Variants in STK24 observed in about 807,000 individuals in gnomAD.
The protein encoded by STK24 is serine/threonine kinase 24.
Under a neutral mutation model 55.6 loss-of-function variants are expected in STK24, and 21 were observed. The ratio of observed to expected loss-of-function variants is 0.38; its 90% CI spans 0.27 to 0.54. The LOEUF is 0.54. Among genes scored for constraint, STK24 ranks in the 20% least tolerant of loss-of-function variants. The pLI, the probability that STK24 is intolerant of heterozygous loss-of-function variation, is 0.79. For missense variants in STK24, 383 were observed against 538.4 expected, an observed-to-expected ratio of 0.71 and a Z score of 2.86; for synonymous variants, 200 against 215.2, an observed-to-expected ratio of 0.93 and a Z score of 0.62.
intron 1 of STK24, chr13:98,542,925 G>A: frequency 2.0e-5 from 20 of 985,390 alleles, no homozygotes; most frequent in Non-Finnish European, 2.4e-5. Context: ...GACAGGAACG[G>A]GTGTATTTGT....
chr13:98,446,009 C>A lies in STK24; in HGVS notation c.*7164G>T. On this transcript the variant is annotated 3_prime_UTR_variant, in exon 11 of 11. Transcript: ENST00000539966. ...TCCTTCAGTCACGGACATGCCCCAGCCCAGGGCCCTGGTGCAGGGAGAGCT... is the reference window on the plus strand; with the variant it reads ...TCCTTCAGTCACGGACATGCCCCAGACCAGGGCCCTGGTGCAGGGAGAGCT... 2 of 873,186 alleles carry A rather than the reference C, an allele frequency of 2.3e-6. No homozygotes were observed. The highest frequency in any genetic ancestry group is 3.8e-6 in the Non-Finnish European group (2 of 533,324). 54.1% of individuals were successfully genotyped at this position (873,186 alleles called of 1,614,324 possible).
chr13:98,516,197 G>A (rs1803590802), intron 2 of STK24, among the ~76,000 whole-genome samples: 1 of 152,186 alleles, frequency 6.6e-6, no homozygotes, highest in African/African-American at 2.4e-5. Context: ...TATTGTTTTA[G>A]AAGAGCAGTT....
chr13:98,475,149 G>A, intron 4 of STK24, 101 bp downstream of exon 4: 1 of 1,395,952 alleles, frequency 7.2e-7, no homozygotes, highest in Admixed American at 2.3e-5. Context: ...AGGCAAACGT[G>A]CAGGACAAAT....
intron 2 of STK24, among the ~76,000 whole-genome samples, chr13:98,514,719 G>C (rs1464933053): frequency 2.0e-5 from 3 of 152,094 alleles, no homozygotes; most frequent in Non-Finnish European, 4.4e-5. Context: ...GATTTGCTTT[G>C]GTTAAACTGG....
At chr13:98,537,830 T>C (rs1353635581) in intron 1 of STK24, among the ~76,000 whole-genome samples, 2 of 152,080 alleles carry the variant, frequency 1.3e-5, no homozygotes, top group Non-Finnish European at 2.9e-5. Context: ...CAAAGTCACT[T>C]AAACGCCCTG....
At chr13:98,521,726 C>T in intron 1 of STK24, 1 of 772,190 alleles carries the variant, frequency 1.3e-6, no homozygotes, top group Middle Eastern at 2.3e-4. Flanking sequence ...GAAACATACC[C>T]CGTTTTCAGC....
chr13:98,485,107 G>A (rs1894755512), intron 2 of STK24, among the ~76,000 whole-genome samples: 1 of 152,190 alleles, frequency 6.6e-6, no homozygotes, highest in Admixed American at 6.5e-5. Context: ...ACCTCATTGG[G>A]TGTGTCACCG....
chr13:98,561,597 G>T (rs1371136674), intron 1 of STK24, among the ~76,000 whole-genome samples: 1 of 151,854 alleles, frequency 6.6e-6, no homozygotes, highest in Non-Finnish European at 1.5e-5. Context: ...AAGAAAGAAA[G>T]AAAGCAGCAA....
intron 9 of STK24, 145 bp downstream of exon 9, chr13:98,460,227 T>TG (rs780220277): frequency 2.9e-5 from 19 of 649,536 alleles, no homozygotes; most frequent in Non-Finnish European, 5.1e-5. Flanking sequence ...TGACAGCCTT[T>TG]GGGAAGGCAC....
intron 1 of STK24, among the ~76,000 whole-genome samples, chr13:98,530,441 A>G (rs1896551807): frequency 6.6e-6 from 1 of 152,116 alleles, no homozygotes; most frequent in Non-Finnish European, 1.5e-5. Context: ...GGGCAGAATG[A>G]CACCATAAGC....
intron 1 of STK24, among the ~76,000 whole-genome samples, chr13:98,567,688 C>T (rs549908681): frequency 1.6e-3 from 244 of 152,246 alleles, no homozygotes; most frequent in Non-Finnish European, 2.6e-3. Flanking sequence ...AGTTCTTGCC[C>T]GCCGCCCTGG....
At chr13:98,480,654 C>A (rs1200444359) in intron 3 of STK24, among the ~76,000 whole-genome samples, 1 of 152,002 alleles carries the variant, frequency 6.6e-6, no homozygotes, top group South Asian at 2.1e-4. Context: ...AAATTGGGTA[C>A]GTTAGCCTTC....
intron 1 of STK24, among the ~76,000 whole-genome samples, chr13:98,554,068 CAAAA>C (rs36119384): frequency 2.0e-5 from 2 of 98,142 alleles, no homozygotes; most frequent in Admixed American, 1.2e-4. Flanking sequence ...GACTCAGTCT[CAAAA>C]AAAAAAAAAA....
intron 2 of STK24, among the ~76,000 whole-genome samples, chr13:98,492,449 G>C (rs913503019): frequency 6.6e-6 from 1 of 152,200 alleles, no homozygotes; most frequent in African/African-American, 2.4e-5. Context: ...TGATGTATGA[G>C]AGTCTCCGGG....
intron 5 of STK24, among the ~76,000 whole-genome samples, chr13:98,471,290 C>G (rs1327501047): frequency 6.6e-6 from 1 of 152,164 alleles, no homozygotes; most frequent in African/African-American, 2.4e-5. Context: ...CTATTTTTTT[C>G]CATCAATGCA....
intron 1 of STK24, among the ~76,000 whole-genome samples, chr13:98,569,971 G>C (rs1897697225): frequency 6.6e-6 from 1 of 151,104 alleles, no homozygotes; most frequent in Non-Finnish European, 1.5e-5. Context: ...CCGCCTCCCA[G>C]GTTCAAAGAA....
intron 2 of STK24, among the ~76,000 whole-genome samples, chr13:98,483,949 C>T (rs149199341): frequency 1.3e-5 from 2 of 152,210 alleles, no homozygotes; most frequent in Non-Finnish European, 2.9e-5. Flanking sequence ...GCTTTTCAAG[C>T]GTTTAAATGC....
rs112809788 is a variant in STK24 at position 98,462,876 on chromosome 13, G to A, written c.929+815C>T. Among the ~76,000 whole-genome samples, 1,189 of 152,156 alleles carry A rather than the reference G, an allele frequency of 7.8e-3. 17 individuals are homozygous for A. The highest frequency in any genetic ancestry group is 0.027 in the African/African-American group (1,115 of 41,514). On this transcript the variant is annotated intron_variant, in intron 7 of 10. Coordinates refer to ENST00000539966, the MANE Select transcript of STK24 (RefSeq NM_001032296.4). The stretch of plus-strand genomic sequence containing the variant: ...CCCTCCTTCACCCAAATCCACCGCC[G>A]CGTCCTGGCTCTCCAAACCTCTCTC...
At chr13:98,525,844 C>G (rs1402539067) in intron 1 of STK24, among the ~76,000 whole-genome samples, 7 of 152,352 alleles carry the variant, frequency 4.6e-5, no homozygotes, top group Admixed American at 1.3e-4. Context: ...GTGGAGGTGT[C>G]TGACACATCC....
Sources: allele counts gnomAD v4.1 joint callset (sites outside exome capture counted in the v4.1 genomes callset), GRCh38; gene constraint gnomAD v4.1.1; transcripts MANE v1.5; gene names NCBI Gene and HGNC (gene_info 2026-07-23, HGNC 2026-07-21).